SSUH2: variants seen among roughly 807,000 people sequenced by gnomAD.
SSUH2 encodes ssu-2 homolog, also known as protein SSUH2 homolog.
Under a neutral mutation model 55.3 loss-of-function variants are expected in SSUH2, and 47 were observed. The observed-to-expected ratio is 0.85, with a 90% confidence interval of 0.67 to 1.08. The LOEUF (loss-of-function observed/expected upper bound fraction) is 1.08, where lower values mean the gene tolerates loss of function less well. Among genes scored for constraint, SSUH2 ranks in the 50% least tolerant of loss-of-function variants. The probability of loss-of-function intolerance (pLI) is 0.00; values close to 1 mark genes in which losing one functional copy is unlikely to be tolerated. For synonymous variants in SSUH2, 212 were observed against 191.5 expected (o/e 1.11, Z -0.89); for missense variants, 535 against 490.7 (o/e 1.09, Z -0.85).
At chr3:8,632,251 G>A (rs759658740) in intron 4 of SSUH2, 142 bp from the exon 5 acceptor site, 17 of 661,308 alleles carry the variant, frequency 2.6e-5, no homozygotes, top group Non-Finnish European at 4.2e-5. Context: ...TGCTGGAACT[G>A]GCTGACAACA....
intron 7 of SSUH2, among the ~76,000 whole-genome samples, chr3:8,651,658 A>G (rs928866892): frequency 2.0e-5 from 3 of 152,168 alleles, no homozygotes; most frequent in African/African-American, 7.2e-5. Context: ...GTAACATCAG[A>G]CATAGCCCCA....
At chr3:8,629,753 C>T (rs756052291) in intron 6 of SSUH2, 27 bp from the exon 7 acceptor site, 3 of 1,611,740 alleles carry the variant, frequency 1.9e-6, no homozygotes, top group Admixed American at 1.7e-5. Context: ...TTCTTGGGAT[C>T]TAGTTTCCCA....
intron 7 of SSUH2, among the ~76,000 whole-genome samples, chr3:8,653,802 C>T (rs1480443499): frequency 6.6e-6 from 1 of 152,114 alleles, no homozygotes; most frequent in Non-Finnish European, 1.5e-5. Context: ...GTAAATGTAC[C>T]CGTGTGACCA....
intron 8 of SSUH2, chr3:8,627,462 T>C: frequency 2.5e-6 from 1 of 393,048 alleles, no homozygotes; most frequent in Non-Finnish European, 4.6e-6. Context: ...AGTGGCTCTT[T>C]CTTCACACTC....
intron 6 of SSUH2, chr3:8,659,883 T>C (rs1416061996): frequency 2.3e-6 from 1 of 437,916 alleles, no homozygotes; most frequent in Non-Finnish European, 4.6e-6. Flanking sequence ...CATGGGTTCA[T>C]GGGAATCTTT....
intron 4 of SSUH2, among the ~76,000 whole-genome samples, chr3:8,671,461 A>T (rs902261801): frequency 3.3e-5 from 5 of 151,992 alleles, no homozygotes; most frequent in Non-Finnish European, 7.4e-5. Context: ...AAGAGGTGAC[A>T]TCCCTCTAGG....
At position 8,644,759 on chromosome 3, in the gene SSUH2, G is replaced by A. The variant is rs1701444937; in HGVS notation, c.-1C>T. 6.5e-7 allele frequency: 1 copy of A among 1,536,052 alleles called. No homozygotes were observed. The highest frequency in any genetic ancestry group is 1.2e-5 in the South Asian group (1 of 84,058). On this transcript the variant is annotated 5_prime_UTR_variant, in exon 1 of 12. Transcript: ENST00000544814. ...CATCTTCATTCAGATCCCTGTCCAT[G>A]TTCCAGACGTCCTGCCAAAGAGATG...
chr3:8,631,067 A>G, intron 5 of SSUH2, 138 bp from the exon 6 acceptor site: 1 of 914,138 alleles, frequency 1.1e-6, no homozygotes, highest in Non-Finnish European at 1.5e-6. Context: ...TGGATAGTCA[A>G]GGCCTTCCTT....
In SSUH2 at chr3:8,620,012, G is replaced by A. The variant is rs1471494711; in HGVS notation, c.984C>T (p.Arg328=). The change falls in exon 12 of 12, where the codon CGC becomes CGT. Residue 328 remains arginine (R), a splice_region_variant and synonymous_variant. Coordinates refer to ENST00000544814, the MANE Select transcript of SSUH2 (RefSeq NM_001256748.3). ...LASRARVLQQ[R]QTIELIPLTE... ...TGAGGGGGATCAGCTCAATGGTCTG[G>A]CGCTGAGGAAACAAATAGCCAAGGA... The A allele has an allele frequency of 1.2e-6, 2 of 1,613,842 alleles. No individual in the cohort carries two copies. Among genetic ancestry groups the A allele is most frequent in the African/African-American group, 2.7e-5 (2 of 75,014 alleles).
intron 6 of SSUH2, chr3:8,659,768 T>G (rs1703291381): frequency 2.2e-6 from 1 of 456,596 alleles, no homozygotes; most frequent in East Asian, 6.9e-5. Context: ...ATTTATTGTG[T>G]GCAGTGTAAG....
upstream of SSUH2, chr3:8,644,838 C>G: frequency 7.9e-7 from 1 of 1,266,944 alleles, no homozygotes. Flanking sequence ...ACCCTCAGGC[C>G]CCTCCCAGAA....
At chr3:8,671,585 C>T (rs1046936050) in intron 4 of SSUH2, among the ~76,000 whole-genome samples, 9 of 77,774 alleles carry the variant, frequency 1.2e-4, no homozygotes, top group Non-Finnish European at 1.8e-4. Flanking sequence ...ATTAATGTCC[C>T]GCTAGGATAT....
chr3:8,653,723 A>G (rs113571749), intron 7 of SSUH2, among the ~76,000 whole-genome samples: 9,836 of 152,314 alleles, frequency 0.065, 407 homozygotes, highest in Non-Finnish European at 0.087. Context: ...TATACATTTT[A>G]CTGAATTATA....
intron 7 of SSUH2, among the ~76,000 whole-genome samples, chr3:8,653,092 T>C (rs1702587694): frequency 6.6e-6 from 1 of 152,228 alleles, no homozygotes. Flanking sequence ...GCCACAAGAA[T>C]GGACACCTTT....
chr3:8,672,691 G>C (rs150029635), intron 3 of SSUH2, among the ~76,000 whole-genome samples: 2 of 151,678 alleles, frequency 1.3e-5, no homozygotes, highest in Non-Finnish European at 2.9e-5. Flanking sequence ...GCGATATTTC[G>C]AGTAATATCA....
intron 1 of SSUH2, among the ~76,000 whole-genome samples, 168 bp downstream of exon 1, chr3:8,644,563 G>C (rs1701409892): frequency 6.6e-6 from 1 of 152,204 alleles, no homozygotes. Flanking sequence ...ACCCAGGACT[G>C]CATTTAGGGC....
chr3:8,661,360 G>A (rs947143398), intron 6 of SSUH2, among the ~76,000 whole-genome samples: 3 of 152,190 alleles, frequency 2.0e-5, no homozygotes, highest in African/African-American at 7.2e-5. Flanking sequence ...TAACTTGTAT[G>A]TCATTCTCTC....
rs1696038786 is a variant in SSUH2, at chr3:8,619,766, T to C, written c.*102A>G. The C allele has an allele frequency of 2.2e-6, 3 of 1,392,666 alleles. No individual in the cohort carries two copies. The highest frequency in any genetic ancestry group is 1.4e-5 in the African/African-American group (1 of 70,248). 86.3% of individuals were successfully genotyped at this position (1,392,666 alleles called of 1,614,324 possible). A position where few individuals can be genotyped will look rare whatever the true frequency, so the allele number is the denominator to read the frequency against. On this transcript the variant is annotated 3_prime_UTR_variant, in exon 12 of 12. Coordinates refer to ENST00000544814, the MANE Select transcript of SSUH2 (RefSeq NM_001256748.3). ...TTCTGGAAGGACATGCCAGGGTTTG[T>C]ATGTGATTGTCCAATGCAGCCAACA...
intron 6 of SSUH2, among the ~76,000 whole-genome samples, chr3:8,660,913 C>G (rs1420650160): frequency 6.6e-6 from 1 of 152,240 alleles, no homozygotes; most frequent in Non-Finnish European, 1.5e-5. Flanking sequence ...CTGCAACACA[C>G]TCATCTCTCA....
Sources: gnomAD v4.1 joint callset for allele counts (sites outside exome capture counted in the v4.1 genomes callset) on GRCh38, gnomAD v4.1.1 for gene constraint, MANE v1.5 for transcripts, NCBI Gene and HGNC (gene_info 2026-07-23, HGNC 2026-07-21) for gene names.